Variants in COL4A1 observed in about 807,000 individuals in gnomAD.
COL4A1 encodes the protein collagen alpha-1(IV) chain.
A neutral mutation model predicts 216.6 loss-of-function variants in COL4A1; 40 were observed. The observed-to-expected ratio is 0.18, with a 90% confidence interval of 0.14 to 0.24. The LOEUF (loss-of-function observed/expected upper bound fraction) is 0.24. Ranked by LOEUF, COL4A1 falls within the 10% of genes least tolerant of loss-of-function variation. The pLI is 1.00. For synonymous variants in COL4A1, 839 were observed against 810.7 expected, an observed-to-expected ratio of 1.03 and a Z score of -0.59; for missense variants, 1,628 against 2,196.8, an observed-to-expected ratio of 0.74 and a Z score of 5.18.
chr13:110,152,345 G>A lies in COL4A1; in HGVS notation c.4917C>T (p.Ser1639=), dbSNP rs1355587586. The A allele has an allele frequency of 2.5e-6, 4 of 1,614,060 alleles. No homozygotes were observed. Among genetic ancestry groups the A allele is most frequent in the Non-Finnish European group, 1.7e-6 (2 of 1,180,024 alleles). The change falls in exon 51 of 52, where the codon AGC becomes AGT. Residue 1639 remains serine, a synonymous_variant. Transcript: ENST00000375820. Reference sequence around the variant, plus strand: ...GTGCTCCCACTTACTTGAACATCTCGCTCCTCTCTATGGTGGCGAGCCAAA... The same window carrying A: ...GTGCTCCCACTTACTTGAACATCTCACTCCTCTCTATGGTGGCGAGCCAAA... ...YSFWLATIER[S]EMFKKPTPST...
intron 41 of COL4A1, among the ~76,000 whole-genome samples, chr13:110,172,395 C>A (rs1877687586): frequency 6.6e-6 from 1 of 152,232 alleles, no homozygotes; most frequent in Non-Finnish European, 1.5e-5. Flanking sequence ...ATAACCAGTT[C>A]TAGAAAGTCA....
At chr13:110,228,672 T>C (rs1283661443) in intron 2 of COL4A1, among the ~76,000 whole-genome samples, 1 of 152,094 alleles carries the variant, frequency 6.6e-6, no homozygotes. Context: ...ATCATCTATT[T>C]CCCCCTCCCT....
chr13:110,192,506 C>G (rs114943433), intron 23 of COL4A1, among the ~76,000 whole-genome samples: 2 of 152,292 alleles, frequency 1.3e-5, no homozygotes, highest in Non-Finnish European at 2.9e-5. Context: ...TCCAGCACCC[C>G]ACACCTGCCC....
chr13:110,212,669 TTCC>T (rs1422307590), intron 4 of COL4A1, 51 bp from the exon 5 acceptor site: 1 of 1,602,360 alleles, frequency 6.2e-7, no homozygotes, highest in Non-Finnish European at 8.5e-7. Context: ...GAAGCCTCAC[TTCC>T]TCCTCCTGCA....
In COL4A1 at chr13:110,253,718, C is replaced by T. The variant is rs139915726; in HGVS notation, c.85-10984G>A. Among the ~76,000 whole-genome samples, 787 of 135,208 alleles carry T rather than the reference C, an allele frequency of 5.8e-3. 18 individuals carry two copies. The highest frequency in any genetic ancestry group is 0.02 in the African/African-American group (718 of 35,480). 88.7% of individuals were successfully genotyped at this position (135,208 alleles called of 152,430 possible). On this transcript the variant is annotated intron_variant, in intron 1 of 51. Transcript: ENST00000375820. ...TAATTATACGTATGTATTACATATA[C>T]GTATAATTATACGTATGTATGTATT... is the stretch of plus-strand genomic sequence containing the variant.
At chr13:110,252,534 ATATATG>A (rs201172431) in intron 1 of COL4A1, among the ~76,000 whole-genome samples, 7,389 of 13,096 alleles carry the variant, frequency 0.56, 1,816 homozygotes, top group South Asian at 0.69. Flanking sequence ...AATTATACGT[ATATATG>A]TATTATATAT....
At chr13:110,271,374 T>C (rs1489974165) in intron 1 of COL4A1, among the ~76,000 whole-genome samples, 1 of 152,158 alleles carries the variant, frequency 6.6e-6, no homozygotes, top group East Asian at 1.9e-4. Flanking sequence ...AGTAACTTCA[T>C]GGAGAGACCT....
intron 1 of COL4A1, among the ~76,000 whole-genome samples, chr13:110,273,313 C>T (rs1479525053): frequency 2.6e-5 from 4 of 152,194 alleles, no homozygotes; most frequent in African/African-American, 7.2e-5. Context: ...ATTATGGGTT[C>T]GTCTTGAGAA....
chr13:110,290,416 T>G (rs1346645460), intron 1 of COL4A1, among the ~76,000 whole-genome samples: 1 of 152,244 alleles, frequency 6.6e-6, no homozygotes, highest in African/African-American at 2.4e-5. Flanking sequence ...TGATTTACCC[T>G]CTTAATCAGT....
chr13:110,273,886 T>C (rs1883340975), intron 1 of COL4A1, among the ~76,000 whole-genome samples: 1 of 152,200 alleles, frequency 6.6e-6, no homozygotes, highest in Admixed American at 6.5e-5. Context: ...ACACACTGAG[T>C]GCTTACACTG....
chr13:110,180,310 T>C (rs1224603237), intron 29 of COL4A1, among the ~76,000 whole-genome samples: 1 of 152,222 alleles, frequency 6.6e-6, no homozygotes, highest in Non-Finnish European at 1.5e-5. Context: ...AAATGCAACG[T>C]AGGTTATCAG....
intron 1 of COL4A1, among the ~76,000 whole-genome samples, chr13:110,252,618 T>A (rs1187732718): frequency 5.1e-5 from 1 of 19,792 alleles, no homozygotes; most frequent in Non-Finnish European, 1.0e-4. Flanking sequence ...TATATATGTA[T>A]AATTGTATAT....
chr13:110,231,972 C>T (rs1881086827), intron 2 of COL4A1, among the ~76,000 whole-genome samples: 1 of 152,182 alleles, frequency 6.6e-6, no homozygotes, highest in African/African-American at 2.4e-5. Context: ...AAATTCACAT[C>T]TATCATTCAT....
intron 24 of COL4A1, 69 bp from the exon 25 acceptor site, chr13:110,187,398 C>T: frequency 6.4e-7 from 1 of 1,567,624 alleles, no homozygotes; most frequent in Non-Finnish European, 8.8e-7. Context: ...GACTGTAACA[C>T]AAGCAACCAT....
chr13:110,247,764 C>T (rs7338606), intron 1 of COL4A1, among the ~76,000 whole-genome samples: 29,937 of 139,220 alleles, frequency 0.22, 3,305 homozygotes, highest in African/African-American at 0.28. Context: ...TTAACTGAAC[C>T]GAAGAATACC....
chr13:110,222,512 G>A (rs1174780995), intron 2 of COL4A1, among the ~76,000 whole-genome samples: 1 of 136,564 alleles, frequency 7.3e-6, no homozygotes, highest in African/African-American at 2.5e-5. Context: ...GGTGGCTCAC[G>A]CCTGTAATCC....
intron 1 of COL4A1, among the ~76,000 whole-genome samples, chr13:110,284,422 C>T (rs890826094): frequency 1.3e-5 from 2 of 152,188 alleles, no homozygotes; most frequent in Non-Finnish European, 2.9e-5. Context: ...GATTTGGAAG[C>T]TGCAGAGGTC....
intron 1 of COL4A1, among the ~76,000 whole-genome samples, chr13:110,256,065 G>A (rs1051410238): frequency 3.3e-5 from 5 of 151,996 alleles, no homozygotes; most frequent in African/African-American, 9.7e-5. Context: ...TACAAATCAC[G>A]CTGTATATCT....
At chr13:110,283,485 G>A (rs549962934) in intron 1 of COL4A1, among the ~76,000 whole-genome samples, 4 of 152,222 alleles carry the variant, frequency 2.6e-5, no homozygotes, top group East Asian at 3.9e-4. Flanking sequence ...GTGTCTGGGC[G>A]CCCCATAGGC....
Sources: gnomAD v4.1 joint callset for allele counts (sites outside exome capture counted in the v4.1 genomes callset) on GRCh38, gnomAD v4.1.1 for gene constraint, MANE v1.5 for transcripts, NCBI Gene and HGNC (gene_info 2026-07-23, HGNC 2026-07-21) for gene names.